Variants in CDC42EP3 observed in about 807,000 individuals in gnomAD.
CDC42EP3 encodes the protein CDC42 effector protein 3.
CDC42EP3 carries 4 observed loss-of-function variants against 15.5 expected under a neutral mutation model. That is an observed-to-expected ratio of 0.26 (90% CI 0.13 to 0.59). CDC42EP3 has a LOEUF of 0.59. CDC42EP3 is among the 20% of genes least tolerant of loss of function. The pLI, the probability that CDC42EP3 is intolerant of heterozygous loss-of-function variation, is 0.89. For synonymous variants in CDC42EP3, 145 were observed against 130.3 expected (o/e 1.11, Z -0.77); for missense variants, 309 against 311.2 (o/e 0.99, Z 0.05).
Position 37,661,408 on chromosome 2 carries a change from C to T in CDC42EP3, c.-236+10018G>A, listed in dbSNP as rs145826126. ...GGGATCTTATTAATAGGGCAAGTGA[C>T]TTGGAAGACACAGGAGATGCACTTA... On this transcript the variant is annotated intron_variant, in intron 1 of 1. Coordinates refer to ENST00000295324, the MANE Select transcript of CDC42EP3 (RefSeq NM_006449.5). Among the ~76,000 whole-genome samples the T allele has an allele frequency of 5.9e-5, 9 of 152,192 alleles. No individual in the cohort carries two copies. The East Asian group carries it at 1.4e-3, about 23-fold the overall frequency.
At chr2:37,655,891 A>G (rs146933895) in intron 1 of CDC42EP3, among the ~76,000 whole-genome samples, 2 of 152,374 alleles carry the variant, frequency 1.3e-5, no homozygotes, top group African/African-American at 4.8e-5. Context: ...TATTTAAGTC[A>G]GCAATTATTC....
intron 1 of CDC42EP3, among the ~76,000 whole-genome samples, chr2:37,655,690 G>T (rs1665825895): frequency 6.6e-6 from 1 of 152,162 alleles, no homozygotes; most frequent in African/African-American, 2.4e-5. Context: ...TCTCTGATAA[G>T]GCCATTGCTG....
Position 37,645,781 on chromosome 2 carries a change from T to C in CDC42EP3, c.*42A>G. On this transcript the variant is annotated 3_prime_UTR_variant, in exon 2 of 2. Transcript: ENST00000295324. ...CTTCTCTTCAACTGTGGTTAGTTTG[T>C]TTTTGTACCTTTTACCCCAAAGGAA... The C allele has an allele frequency of 6.7e-7, 1 of 1,483,608 alleles. No individual in the cohort carries two copies. The highest frequency in any genetic ancestry group is 9.0e-7 in the Non-Finnish European group (1 of 1,110,670). The allele number at this position is 1,483,608 out of a possible 1,614,324, so 91.9% of individuals were successfully genotyped here.
rs1393977408 is a variant in CDC42EP3 at position 37,644,409 on chromosome 2, A to G, written c.*1414T>C. ...TCCTGCTCCTGTTTCCTTAACCACC[A>G]TCCTCAGGGCATCTCTGGCACCTTG... is the stretch of plus-strand genomic sequence containing the variant. On this transcript the variant is annotated 3_prime_UTR_variant, in exon 2 of 2. Transcript: ENST00000295324. 1 of 152,138 alleles carries G rather than the reference A, an allele frequency of 6.6e-6. No individual in the cohort carries two copies. The highest frequency in any genetic ancestry group is 1.9e-4 in the East Asian group (1 of 5,196). The allele number at this position is 152,138 out of a possible 1,614,324, so 9.4% of individuals were successfully genotyped here.
intron 1 of CDC42EP3, among the ~76,000 whole-genome samples, chr2:37,648,378 A>G (rs1200245181): frequency 6.6e-6 from 1 of 152,246 alleles, no homozygotes; most frequent in Non-Finnish European, 1.5e-5. Flanking sequence ...GGCTGTCTGC[A>G]TCTGCCCCAT....
rs1665363143 is a variant in CDC42EP3, at chr2:37,644,114, C to T, written c.*1709G>A. The T allele has an allele frequency of 6.6e-6, 1 of 151,996 alleles. No homozygotes were observed. The highest frequency in any genetic ancestry group is 6.6e-5 in the Admixed American group (1 of 15,266). The allele number at this position is 151,996 out of a possible 1,614,324, so 9.4% of individuals were successfully genotyped here. On this transcript the variant is annotated 3_prime_UTR_variant, in exon 2 of 2. Transcript: ENST00000295324. ...AGGGAAGCTAAAATATTGGACACCC[C>T]TGCCTAGGGGAACTTGTTTCGTCTA...
intron 1 of CDC42EP3, among the ~76,000 whole-genome samples, chr2:37,666,964 A>T (rs1666268895): frequency 6.6e-6 from 1 of 152,190 alleles, no homozygotes; most frequent in Non-Finnish European, 1.5e-5. Flanking sequence ...CAGCTCCAAG[A>T]CTGTAACCAT....
intron 1 of CDC42EP3, among the ~76,000 whole-genome samples, chr2:37,660,672 T>C (rs560766580): frequency 5.9e-5 from 9 of 152,300 alleles, no homozygotes; most frequent in African/African-American, 2.2e-4. Context: ...TTAAGTTACT[T>C]TGGTTTTACT....
chr2:37,653,321 G>A (rs1665748370), intron 1 of CDC42EP3, among the ~76,000 whole-genome samples: 2 of 152,156 alleles, frequency 1.3e-5, no homozygotes, highest in Admixed American at 1.3e-4. Flanking sequence ...GACCGGAGAG[G>A]AAGCTACGGC....
intron 1 of CDC42EP3, among the ~76,000 whole-genome samples, chr2:37,663,350 C>T (rs559657479): frequency 3.9e-5 from 6 of 152,298 alleles, no homozygotes; most frequent in Admixed American, 1.3e-4. Context: ...GAGAGACTGA[C>T]GCTAATATAA....
At position 37,651,204 on chromosome 2, in the gene CDC42EP3, C is replaced by T. The variant is rs201981575; in HGVS notation, c.-235-4382G>A. On this transcript the variant is annotated intron_variant, in intron 1 of 1. Transcript: ENST00000295324. ...TATCTATAGAGTATTTCTGGAAACA[C>T]ACAAGTAATAATAGTGACTGTCCAC... Among the ~76,000 whole-genome samples, 57 of 152,220 alleles carry T rather than the reference C, an allele frequency of 3.7e-4. No individual in the cohort carries two copies. In the East Asian group the frequency reaches 8.9e-3, roughly 24 times the overall value.
chr2:37,654,280 A>G (rs1385181024), intron 1 of CDC42EP3, among the ~76,000 whole-genome samples: 1 of 152,152 alleles, frequency 6.6e-6, no homozygotes, highest in Non-Finnish European at 1.5e-5. Flanking sequence ...ATGTCCCCGC[A>G]TGTTCAGAGG....
chr2:37,647,305 T>C (rs1399838891), intron 1 of CDC42EP3: 2 of 152,260 alleles, frequency 1.3e-5, no homozygotes, highest in African/African-American at 4.8e-5. Context: ...ATAACTATTA[T>C]ATGCTACTGT....
At chr2:37,670,127 C>T (rs1338351279) in intron 1 of CDC42EP3, among the ~76,000 whole-genome samples, 1 of 152,154 alleles carries the variant, frequency 6.6e-6, no homozygotes, top group African/African-American at 2.4e-5. Context: ...TTTAAATTGT[C>T]TTAGGGATAC....
intron 1 of CDC42EP3, among the ~76,000 whole-genome samples, chr2:37,658,117 A>T (rs1665939006): frequency 6.6e-6 from 1 of 152,088 alleles, no homozygotes; most frequent in African/African-American, 2.4e-5. Flanking sequence ...CTCCTCAACA[A>T]TTCCCCCGGC....
chr2:37,656,153 A>T (rs56888734), intron 1 of CDC42EP3, among the ~76,000 whole-genome samples: 2,153 of 152,298 alleles, frequency 0.014, 120 homozygotes, highest in East Asian at 0.094. Flanking sequence ...GGGCTGAAAC[A>T]TGGCTTTTCT....
intron 1 of CDC42EP3, among the ~76,000 whole-genome samples, chr2:37,661,431 T>G (rs1423096769): frequency 6.6e-6 from 1 of 152,188 alleles, no homozygotes; most frequent in Non-Finnish European, 1.5e-5. Flanking sequence ...GGAGATGCAC[T>G]TATCAAATCT....
intron 1 of CDC42EP3, among the ~76,000 whole-genome samples, chr2:37,669,867 T>A (rs370305432): frequency 2.0e-5 from 3 of 152,226 alleles, no homozygotes; most frequent in African/African-American, 7.2e-5. Flanking sequence ...CCTTTATCAT[T>A]TATTTCACAT....
chr2:37,655,354 T>G (rs772188185), intron 1 of CDC42EP3, among the ~76,000 whole-genome samples: 5 of 152,282 alleles, frequency 3.3e-5, no homozygotes, highest in Non-Finnish European at 7.3e-5. Context: ...AAATACCATA[T>G]GTGAGACTCA....
Sources: allele counts gnomAD v4.1 joint callset (sites outside exome capture counted in the v4.1 genomes callset), GRCh38; gene constraint gnomAD v4.1.1; transcripts MANE v1.5; gene names NCBI Gene and HGNC (gene_info 2026-07-23, HGNC 2026-07-21).